The following PRKG1 variants were observed in gnomAD, a reference collection of about 807,000 sequenced individuals.
PRKG1 encodes cGMP-dependent protein kinase 1.
In PRKG1, 35 loss-of-function variants were observed where a neutral mutation model predicts 88.1. That is an observed-to-expected ratio of 0.40 (90% CI 0.30 to 0.53). The LOEUF is 0.53. Among genes scored for constraint, PRKG1 ranks in the 20% least tolerant of loss-of-function variants. PRKG1 has a pLI of 0.59. For synonymous variants in PRKG1, 303 were observed against 292.5 expected, an observed-to-expected ratio of 1.04 and a Z score of -0.37; for missense variants, 540 against 839.8, an observed-to-expected ratio of 0.64 and a Z score of 4.41.
chr10:51,303,681 AT>A (rs1056595231), intron 2 of PRKG1, among the ~76,000 whole-genome samples: 3 of 152,050 alleles, frequency 2.0e-5, no homozygotes, highest in Admixed American at 2.0e-4. Context: ...ATTAAATTTA[AT>A]TTTTGTCTCC....
chr10:51,629,742 A>C (rs1053154381), intron 3 of PRKG1, among the ~76,000 whole-genome samples: 1 of 152,150 alleles, frequency 6.6e-6, no homozygotes, highest in Non-Finnish European at 1.5e-5. Flanking sequence ...AAGTCGATTC[A>C]CCTGGCTTAT....
chr10:51,694,025 TTAA>T (rs1342803196), intron 3 of PRKG1, among the ~76,000 whole-genome samples: 4 of 152,188 alleles, frequency 2.6e-5, no homozygotes, highest in African/African-American at 9.6e-5. Flanking sequence ...TTACAATATA[TTAA>T]TGATGTCCGT....
intron 3 of PRKG1, among the ~76,000 whole-genome samples, chr10:51,639,991 C>T (rs1307858935): frequency 2.0e-5 from 3 of 152,160 alleles, no homozygotes; most frequent in Non-Finnish European, 1.5e-5. Flanking sequence ...AAATAAGTAT[C>T]CTGGTGCCTT....
intron 4 of PRKG1, among the ~76,000 whole-genome samples, chr10:51,881,992 C>A (rs1417033790): frequency 6.6e-6 from 1 of 152,098 alleles, no homozygotes; most frequent in Non-Finnish European, 1.5e-5. Flanking sequence ...AGTCATAGTT[C>A]TTTCATCTTT....
At chr10:51,710,476 A>G (rs1403696562) in intron 3 of PRKG1, among the ~76,000 whole-genome samples, 2 of 152,222 alleles carry the variant, frequency 1.3e-5, no homozygotes, top group African/African-American at 2.4e-5. Context: ...AAGTCAGCAT[A>G]ACACTAACAG....
chr10:51,540,591 T>C (rs1842275806), intron 3 of PRKG1, among the ~76,000 whole-genome samples: 1 of 152,256 alleles, frequency 6.6e-6, no homozygotes. Flanking sequence ...CAATGTGTGC[T>C]ATGTATGTCA....
At chr10:51,361,190 C>A (rs1435280711) in intron 2 of PRKG1, among the ~76,000 whole-genome samples, 1 of 151,882 alleles carries the variant, frequency 6.6e-6, no homozygotes. Context: ...AGGTTTTAAC[C>A]TCCACAGGTG....
chr10:51,993,357 C>T (rs939283932), intron 5 of PRKG1, among the ~76,000 whole-genome samples: 6 of 151,946 alleles, frequency 3.9e-5, no homozygotes, highest in African/African-American at 1.5e-4. Flanking sequence ...CCTCTCTTCA[C>T]AGAATAACAA....
intron 5 of PRKG1, among the ~76,000 whole-genome samples, chr10:52,007,474 A>T (rs558423177): frequency 6.6e-6 from 1 of 152,340 alleles, no homozygotes; most frequent in Non-Finnish European, 1.5e-5. Flanking sequence ...CAGAGATTGT[A>T]ACTGTAATTT....
intron 4 of PRKG1, among the ~76,000 whole-genome samples, chr10:51,837,320 T>G (rs1840157089): frequency 6.6e-6 from 1 of 152,156 alleles, no homozygotes; most frequent in Non-Finnish European, 1.5e-5. Context: ...AATATGGCAC[T>G]TAAAAAAATT....
chr10:51,017,215 C>A (rs1843078818), intron 1 of PRKG1, among the ~76,000 whole-genome samples: 1 of 151,914 alleles, frequency 6.6e-6, no homozygotes, highest in Non-Finnish European at 1.5e-5. Flanking sequence ...CCTGTAGCAC[C>A]CTTTATTTAT....
intron 7 of PRKG1, among the ~76,000 whole-genome samples, chr10:52,068,217 A>T (rs12765431): frequency 3.8e-5 from 4 of 104,482 alleles, no homozygotes; most frequent in African/African-American, 1.1e-4. Flanking sequence ...AAAAAAAAAA[A>T]AAAAAAAAAA....
intron 3 of PRKG1, among the ~76,000 whole-genome samples, chr10:51,579,760 G>T (rs1251823530): frequency 1.3e-5 from 2 of 151,900 alleles, no homozygotes; most frequent in African/African-American, 2.4e-5. Flanking sequence ...GTTGATATTT[G>T]TGTCAATAAA....
chr10:52,112,956 G>C (rs1035700997), intron 7 of PRKG1, among the ~76,000 whole-genome samples: 1 of 152,106 alleles, frequency 6.6e-6, no homozygotes, highest in African/African-American at 2.4e-5. Context: ...GTGGTACCTC[G>C]AGTAAGATTA....
chr10:51,414,246 T>C (rs1167504002), intron 2 of PRKG1, among the ~76,000 whole-genome samples: 1 of 152,126 alleles, frequency 6.6e-6, no homozygotes, highest in Non-Finnish European at 1.5e-5. Context: ...ACATTGCAAA[T>C]GTGGAACAAA....
At chr10:51,818,399 G>A (rs1023359365) in intron 4 of PRKG1, among the ~76,000 whole-genome samples, 1 of 151,598 alleles carries the variant, frequency 6.6e-6, no homozygotes, top group Non-Finnish European at 1.5e-5. Flanking sequence ...ATAGACAAGA[G>A]ATACTCTGTT....
intron 9 of PRKG1, among the ~76,000 whole-genome samples, chr10:52,195,913 A>G (rs546204852): frequency 1.3e-5 from 2 of 152,340 alleles, no homozygotes; most frequent in Non-Finnish European, 2.9e-5. Flanking sequence ...GTCTAACCCT[A>G]TGATTTTCAT....
chr10:51,657,225 T>C (rs561394522), intron 3 of PRKG1, among the ~76,000 whole-genome samples: 33 of 152,248 alleles, frequency 2.2e-4, no homozygotes, highest in Non-Finnish European at 4.0e-4. Flanking sequence ...ATGTCCAAAT[T>C]CTACCTATCC....
At chr10:52,283,565 G>A (rs1370563394) in intron 14 of PRKG1, among the ~76,000 whole-genome samples, 1 of 152,006 alleles carries the variant, frequency 6.6e-6, no homozygotes, top group Non-Finnish European at 1.5e-5. Context: ...TTATTTATGG[G>A]TATTTTACAT....
Sources: allele counts gnomAD v4.1 joint callset (sites outside exome capture counted in the v4.1 genomes callset), GRCh38; gene constraint gnomAD v4.1.1; transcripts MANE v1.5; gene names NCBI Gene and HGNC (gene_info 2026-07-23, HGNC 2026-07-21).